Variants in AGBL4 observed in about 807,000 individuals in gnomAD.
AGBL4 encodes the protein AGBL carboxypeptidase 4.
AGBL4 carries 58 observed loss-of-function variants against 66.4 expected under a neutral mutation model. The observed-to-expected ratio is 0.87, with a 90% CI of 0.71 to 1.09. AGBL4 has a LOEUF of 1.09. AGBL4 is among the 50% of genes least tolerant of loss of function. AGBL4 has a pLI of 0.00. For synonymous variants in AGBL4, 234 were observed against 222.9 expected (o/e 1.05, Z -0.44); for missense variants, 579 against 631.0 (o/e 0.92, Z 0.88).
chr1:49,149,597 A>T (rs1373378006), intron 4 of AGBL4, among the ~76,000 whole-genome samples: 2 of 152,246 alleles, frequency 1.3e-5, no homozygotes, highest in Non-Finnish European at 2.9e-5. Context: ...TACATTTAAC[A>T]TAACCAGCAA....
At chr1:49,939,337 A>T (rs1174958909) in intron 1 of AGBL4, among the ~76,000 whole-genome samples, 2 of 152,128 alleles carry the variant, frequency 1.3e-5, no homozygotes, top group South Asian at 2.1e-4. Context: ...TTCTTCACAG[A>T]ATTGGAAAAA....
intron 3 of AGBL4, among the ~76,000 whole-genome samples, chr1:49,447,882 T>C (rs1646194239): frequency 6.6e-6 from 1 of 152,162 alleles, no homozygotes; most frequent in South Asian, 2.1e-4. Flanking sequence ...TGTGATTATC[T>C]GCTCATAATT....
chr1:50,010,469 AACACACACACAC>A (rs113933841), intron 1 of AGBL4, among the ~76,000 whole-genome samples: 1 of 148,966 alleles, frequency 6.7e-6, no homozygotes, highest in Non-Finnish European at 1.5e-5. Context: ...AGGAACCACA[AACACACACACAC>A]ACACACACAC....
intron 6 of AGBL4, chr1:48,776,481 G>C (rs1017537999): frequency 2.8e-5 from 20 of 704,408 alleles, no homozygotes; most frequent in Non-Finnish European, 3.4e-5. Context: ...CCCAGAGGAC[G>C]GGAGAAGGAG....
intron 4 of AGBL4, among the ~76,000 whole-genome samples, chr1:49,213,127 G>A (rs1214628810): frequency 6.6e-6 from 1 of 151,918 alleles, no homozygotes; most frequent in Non-Finnish European, 1.5e-5. Context: ...GTGGAGAAGG[G>A]TAAATAGATA....
At chr1:49,173,858 G>A (rs886670225) in intron 4 of AGBL4, among the ~76,000 whole-genome samples, 1 of 152,070 alleles carries the variant, frequency 6.6e-6, no homozygotes, top group African/African-American at 2.4e-5. Context: ...TAAGAGATAA[G>A]GAGGAAAATC....
intron 2 of AGBL4, chr1:49,846,146 G>C: frequency 1.2e-5 from 18 of 1,468,854 alleles, no homozygotes; most frequent in Non-Finnish European, 1.7e-5. Flanking sequence ...TCATACCAAG[G>C]AAAAGCCCTA....
intron 11 of AGBL4, among the ~76,000 whole-genome samples, chr1:48,556,469 C>T (rs368924438): frequency 1.3e-5 from 2 of 152,196 alleles, no homozygotes; most frequent in African/African-American, 4.8e-5. Context: ...TATTATATCC[C>T]ACGCGTTCAT....
At position 49,971,904 on chromosome 1, in the gene AGBL4, T is replaced by G. The variant is rs867614007; in HGVS notation, c.34+51859A>C. 5.8e-4 allele frequency among the ~76,000 whole-genome samples: 66 copies of G among 114,438 alleles called. No individual in the cohort carries two copies. In the South Asian group the frequency reaches 0.011, roughly 19 times the overall value. The allele number at this position is 114,438 out of a possible 152,430, so 75.1% of individuals were successfully genotyped here. A position where few individuals can be genotyped will look rare whatever the true frequency, so the allele number is the denominator to read the frequency against. The stretch of plus-strand genomic sequence containing the variant: ...TTTAAGTACAAGTGCAGGGTTTTTT[T>G]GGGTTTTTTTTTTTTTTTTTTTTTT... On this transcript the variant is annotated intron_variant, in intron 1 of 13. Coordinates refer to ENST00000371839, the MANE Select transcript of AGBL4 (RefSeq NM_032785.4).
At chr1:48,936,331 G>C (rs567147804) in intron 5 of AGBL4, among the ~76,000 whole-genome samples, 1 of 152,296 alleles carries the variant, frequency 6.6e-6, no homozygotes, top group African/African-American at 2.4e-5. Flanking sequence ...CCTTTCTACA[G>C]TTTCTCGGTA....
intron 8 of AGBL4, among the ~76,000 whole-genome samples, chr1:48,635,282 T>C (rs1208083137): frequency 1.3e-5 from 2 of 152,218 alleles, no homozygotes; most frequent in Admixed American, 6.5e-5. Flanking sequence ...TAGTTGCATG[T>C]GTGGATTTGA....
intron 10 of AGBL4, among the ~76,000 whole-genome samples, chr1:48,588,657 G>GTA (rs1644861970): frequency 1.5e-4 from 1 of 6,756 alleles, no homozygotes; most frequent in South Asian, 2.7e-3. Flanking sequence ...AAACAGAGAA[G>GTA]TGTGTGTGTG....
chr1:49,980,279 A>G (rs990317690), intron 1 of AGBL4, among the ~76,000 whole-genome samples: 1 of 152,178 alleles, frequency 6.6e-6, no homozygotes, highest in African/African-American at 2.4e-5. Flanking sequence ...AAAATTTCAC[A>G]TCTTAATGAT....
downstream of AGBL4, among the ~76,000 whole-genome samples, chr1:48,530,287 G>A (rs1242133882): frequency 6.6e-6 from 1 of 152,152 alleles, no homozygotes; most frequent in Non-Finnish European, 1.5e-5. Flanking sequence ...TGGGAACATT[G>A]AATAAGGCAA....
chr1:49,038,362 A>C (rs1664830531), intron 5 of AGBL4, among the ~76,000 whole-genome samples: 1 of 152,096 alleles, frequency 6.6e-6, no homozygotes, highest in Admixed American at 6.6e-5. Flanking sequence ...CAGAAGATAG[A>C]AGCCTTACTG....
At chr1:48,618,803 G>A (rs773678675) in intron 9 of AGBL4, among the ~76,000 whole-genome samples, 2 of 152,072 alleles carry the variant, frequency 1.3e-5, no homozygotes, top group African/African-American at 4.8e-5. Flanking sequence ...TGGACTTTTC[G>A]AACCAACGTT....
At chr1:49,312,099 T>C (rs1249593680) in intron 3 of AGBL4, among the ~76,000 whole-genome samples, 1 of 152,124 alleles carries the variant, frequency 6.6e-6, no homozygotes, top group Non-Finnish European at 1.5e-5. Flanking sequence ...GTTTGAATGC[T>C]TGTGCCCCCT....
intron 4 of AGBL4, among the ~76,000 whole-genome samples, chr1:49,220,009 C>T (rs1649374028): frequency 6.6e-6 from 1 of 152,014 alleles, no homozygotes; most frequent in Admixed American, 6.6e-5. Context: ...CTATGTAAAG[C>T]ATGGCTAAGT....
At position 48,791,445 on chromosome 1, in the gene AGBL4, C is replaced by G. The variant is rs369736907; in HGVS notation, c.634+75746G>C. ...CCACCACTACCCTCCATTCCCCCAT[C>G]CCCATCAAGGGGTTCTGTTAATTCT... On this transcript the variant is annotated intron_variant, in intron 6 of 13. Coordinates refer to ENST00000371839, the MANE Select transcript of AGBL4 (RefSeq NM_032785.4). Among the ~76,000 whole-genome samples, 31 of 152,272 alleles carry G rather than the reference C, an allele frequency of 2.0e-4. 1 individual carries two copies. Among genetic ancestry groups the G allele is most frequent in the African/African-American group, 7.5e-4 (31 of 41,558 alleles).
Sources: gnomAD v4.1 joint callset for allele counts (sites outside exome capture counted in the v4.1 genomes callset) on GRCh38, gnomAD v4.1.1 for gene constraint, MANE v1.5 for transcripts, NCBI Gene and HGNC (gene_info 2026-07-23, HGNC 2026-07-21) for gene names.